Variants in GALNT9 observed in about 807,000 individuals in gnomAD.
GALNT9 encodes polypeptide N-acetylgalactosaminyltransferase 9.
Under a neutral mutation model 63.1 loss-of-function variants are expected in GALNT9, and 47 were observed. The ratio of observed to expected loss-of-function variants is 0.75; its 90% CI spans 0.59 to 0.95. GALNT9 has a LOEUF of 0.95. Ranked by LOEUF, GALNT9 falls within the 40% of genes least tolerant of loss-of-function variation. GALNT9 has a pLI of 0.00. For synonymous variants in GALNT9, 396 were observed against 365.7 expected (o/e 1.08, Z -0.94); for missense variants, 829 against 874.8 (o/e 0.95, Z 0.66).
chr12:132,200,210 C>T (rs966646746), intron 8 of GALNT9, among the ~76,000 whole-genome samples: 9 of 152,320 alleles, frequency 5.9e-5, no homozygotes, highest in Middle Eastern at 3.4e-3. Flanking sequence ...ACCCCAGGGA[C>T]CCTTTTCCTT....
intron 6 of GALNT9, among the ~76,000 whole-genome samples, chr12:132,229,870 G>C (rs1877828220): frequency 6.6e-6 from 1 of 152,230 alleles, no homozygotes; most frequent in African/African-American, 2.4e-5. Flanking sequence ...CTAGGAGCTT[G>C]CCCAAGGTCA....
In GALNT9 at chr12:132,201,865, C is replaced by T. The variant is rs114025980; in HGVS notation, c.1264-604G>A. Among the ~76,000 whole-genome samples, 551 of 152,288 alleles carry T rather than the reference C, an allele frequency of 3.6e-3. 5 individuals are homozygous for T. Among genetic ancestry groups the T allele is most frequent in the African/African-American group, 0.012 (511 of 41,548 alleles). ...GTCCTCTGCCGTGAGAACCCACAGC[C>T]GAGTGCGGTGTCTGTGTCTTCCTGG... is the stretch of plus-strand genomic sequence containing the variant. On this transcript the variant is annotated intron_variant, in intron 7 of 10. Transcript: ENST00000328957.
intron 9 of GALNT9, among the ~76,000 whole-genome samples, chr12:132,198,714 T>C (rs955824621): frequency 1.1e-4 from 16 of 152,184 alleles, no homozygotes; most frequent in African/African-American, 3.9e-4. Flanking sequence ...TGGAGTGCAC[T>C]GGTGTGATCT....
At chr12:132,287,395 G>A (rs28506948) in intron 1 of GALNT9, among the ~76,000 whole-genome samples, 102,997 of 152,046 alleles carry the variant, frequency 0.68, 35,227 homozygotes, top group African/African-American at 0.77. Flanking sequence ...ACGCCATGCC[G>A]CCGCCACCAT....
chr12:132,197,784 A>C lies in GALNT9; in HGVS notation c.1665+8T>G. 1 of 1,472,122 alleles carries C rather than the reference A, an allele frequency of 6.8e-7. No homozygotes were observed. The highest frequency in any genetic ancestry group is 1.4e-5 in the African/African-American group (1 of 72,346). The allele number at this position is 1,472,122 out of a possible 1,614,324, so 91.2% of individuals were successfully genotyped here. Reference sequence around the variant, plus strand: ...CAACCCCACGGCCCCCCTTCCCCAGAGGCTGACCTGGGTGAAGTCCCACAG... The same window carrying C: ...CAACCCCACGGCCCCCCTTCCCCAGCGGCTGACCTGGGTGAAGTCCCACAG... On this transcript the variant is annotated splice_region_variant and intron_variant, in intron 10 of 10. Coordinates refer to ENST00000328957, the MANE Select transcript of GALNT9 (RefSeq NM_001122636.2).
At chr12:132,220,504 C>A (rs1326513794) in intron 6 of GALNT9, among the ~76,000 whole-genome samples, 1 of 152,210 alleles carries the variant, frequency 6.6e-6, no homozygotes, top group Non-Finnish European at 1.5e-5. Flanking sequence ...GGAAGAAAGT[C>A]TCCTAAATGT....
At chr12:132,281,889 C>G (rs1363744877) in intron 2 of GALNT9, among the ~76,000 whole-genome samples, 1 of 148,372 alleles carries the variant, frequency 6.7e-6, no homozygotes, top group Non-Finnish European at 1.5e-5. Flanking sequence ...AGCTCCACTA[C>G]AGCAAGGCCA....
chr12:132,305,693 A>G (rs979782425), intron 1 of GALNT9, among the ~76,000 whole-genome samples: 2 of 152,006 alleles, frequency 1.3e-5, no homozygotes, highest in Non-Finnish European at 2.9e-5. Context: ...ACCTGGGTAC[A>G]TCCTCGCCTG....
chr12:132,236,151 C>T lies in GALNT9; in HGVS notation c.1077+11759G>A, dbSNP rs1877991713. On this transcript the variant is annotated intron_variant, in intron 6 of 10. Coordinates refer to ENST00000328957, the MANE Select transcript of GALNT9 (RefSeq NM_001122636.2). The surrounding 1 kb of genome is among the most constrained non-coding windows in gnomAD (Gnocchi z 5.6). ...ACCCTCGGGACAGGGCAGAAGATCC[C>T]CTGGGCTGGAGTTCAAGGTCAGACG... is the stretch of plus-strand genomic sequence containing the variant. Among the ~76,000 whole-genome samples, 1 of 152,102 alleles carries T rather than the reference C, an allele frequency of 6.6e-6. No homozygotes were observed. Among genetic ancestry groups the T allele is most frequent in the Admixed American group, 6.5e-5 (1 of 15,274 alleles).
intron 2 of GALNT9, among the ~76,000 whole-genome samples, chr12:132,285,457 G>A (rs1880551264): frequency 6.6e-6 from 1 of 152,286 alleles, no homozygotes; most frequent in Non-Finnish European, 1.5e-5. Flanking sequence ...CCTCAGGGCA[G>A]GTGTGAGGGT....
intron 2 of GALNT9, among the ~76,000 whole-genome samples, chr12:132,266,219 C>T (rs1185882827): frequency 5.9e-5 from 9 of 152,202 alleles, no homozygotes; most frequent in Non-Finnish European, 8.8e-5. Flanking sequence ...CCTTTACACG[C>T]CTGACCTCAC....
At chr12:132,250,740 G>C (rs1878881860) in intron 5 of GALNT9, among the ~76,000 whole-genome samples, 1 of 152,226 alleles carries the variant, frequency 6.6e-6, no homozygotes. Context: ...GCAGTGGACT[G>C]AGATGACGCC....
rs1019735204 is a variant in GALNT9, at chr12:132,301,948, C to T, written c.239-15518G>A. ...CAATGACCTTCCAACCACTAGGTAA[C>T]ATCCATCAGACGCTTGTCCACAGAA... is the stretch of plus-strand genomic sequence containing the variant. On this transcript the variant is annotated intron_variant, in intron 1 of 10. Transcript: ENST00000328957. Among the ~76,000 whole-genome samples, 11 of 152,336 alleles carry T rather than the reference C, an allele frequency of 7.2e-5. No homozygotes were observed. In the East Asian group the frequency reaches 2.1e-3, roughly 29 times the overall value.
rs778456882 is a variant in GALNT9, at chr12:132,197,068, G to A, written c.*39C>T. On this transcript the variant is annotated 3_prime_UTR_variant, in exon 11 of 11. Transcript: ENST00000328957. ...CTCAGCCACACTGGCTCGGCCCAGC[G>A]CCTTCCCGAGGTCTGTGGGGGTCCG... 11 of 1,609,036 alleles carry A rather than the reference G, an allele frequency of 6.8e-6. No homozygotes were observed. Among genetic ancestry groups the A allele is most frequent in the Middle Eastern group, 1.7e-4 (1 of 5,844 alleles).
At chr12:132,260,036 T>TGGGTGCGGGGCCC (rs71076423) in intron 4 of GALNT9, among the ~76,000 whole-genome samples, 1 of 104,354 alleles carries the variant, frequency 9.6e-6, no homozygotes, top group African/African-American at 3.0e-5. Flanking sequence ...GGGGCCTGCC[T>TGGGTGCGGGGCCC]GGGTGCAGGG....
intron 5 of GALNT9, among the ~76,000 whole-genome samples, chr12:132,251,744 G>A (rs1483548132): frequency 1.4e-5 from 2 of 146,804 alleles, no homozygotes; most frequent in Non-Finnish European, 3.0e-5. Flanking sequence ...GAGCTTTGGA[G>A]GGAATAATTT....
intron 1 of GALNT9, among the ~76,000 whole-genome samples, chr12:132,308,988 G>A (rs1167929285): frequency 1.3e-5 from 2 of 152,208 alleles, no homozygotes; most frequent in African/African-American, 4.8e-5. Context: ...TGGTGCCCGG[G>A]AGGACGCTGA....
In GALNT9 at chr12:132,315,108, A is replaced by T. The variant is rs898552349; in HGVS notation, c.238+13858T>A. 6.6e-6 allele frequency among the ~76,000 whole-genome samples: 1 copy of T among 152,128 alleles called. No individual in the cohort carries two copies. Among genetic ancestry groups the T allele is most frequent in the African/African-American group, 2.4e-5 (1 of 41,520 alleles). ...GGCCTGACGGAGGTGGCCCAGGGGG[A>T]GGTGGTGGGGCCGGGCTCTGAGTCC... On this transcript the variant is annotated intron_variant, in intron 1 of 10. Coordinates refer to ENST00000328957, the MANE Select transcript of GALNT9 (RefSeq NM_001122636.2). The surrounding 1 kb of genome is among the most constrained non-coding windows in gnomAD (Gnocchi z 6.1).
chr12:132,201,360 A>G lies in GALNT9; in HGVS notation c.1264-99T>C, dbSNP rs568772867. 2.4e-4 allele frequency: 178 copies of G among 730,750 alleles called. No homozygotes were observed. In the African/African-American group the frequency reaches 2.8e-3, roughly 11 times the overall value. 45.3% of individuals were successfully genotyped at this position (730,750 alleles called of 1,614,324 possible). A position where few individuals can be genotyped will look rare whatever the true frequency, so the allele number is the denominator to read the frequency against. ...GGGTCTCCAGGGACCAAGTGCCCTC[A>G]CAGGAGCAGCCTCCCCCCCAGTATT... On this transcript the variant is annotated intron_variant, in intron 7 of 10. Coordinates refer to ENST00000328957, the MANE Select transcript of GALNT9 (RefSeq NM_001122636.2).
Sources: allele counts gnomAD v4.1 joint callset (sites outside exome capture counted in the v4.1 genomes callset), GRCh38; gene constraint gnomAD v4.1.1; non-coding constraint Gnocchi (gnomAD v3.1); transcripts MANE v1.5; gene names NCBI Gene and HGNC (gene_info 2026-07-23, HGNC 2026-07-21).